Variants in M1AP observed in about 807,000 individuals in gnomAD.
M1AP encodes the protein meiosis 1 arrest protein.
M1AP carries 39 observed loss-of-function variants against 51.2 expected under a neutral mutation model. The observed-to-expected ratio is 0.76, with a 90% CI of 0.59 to 1.00. The LOEUF (loss-of-function observed/expected upper bound fraction) is 1.00. Among genes scored for constraint, M1AP ranks in the 50% least tolerant of loss-of-function variants. M1AP has a pLI of 0.00. For synonymous variants in M1AP, 251 were observed against 249.2 expected (o/e 1.01, Z -0.07); for missense variants, 545 against 641.2 (o/e 0.85, Z 1.62).
intron 4 of M1AP, among the ~76,000 whole-genome samples, chr2:74,588,117 G>T (rs1384481790): frequency 6.6e-6 from 1 of 152,116 alleles, no homozygotes; most frequent in Non-Finnish European, 1.5e-5. Flanking sequence ...CGTCTCACAG[G>T]GCCCTAACCT....
At chr2:74,615,404 A>C in intron 2 of M1AP, 1 of 437,464 alleles carries the variant, frequency 2.3e-6, no homozygotes. Flanking sequence ...GAAGTGTTTT[A>C]ACTCATTCAC....
intron 10 of M1AP, among the ~76,000 whole-genome samples, 169 bp from the exon 11 acceptor site, chr2:74,559,043 G>A (rs1380592434): frequency 1.3e-5 from 2 of 152,212 alleles, no homozygotes; most frequent in African/African-American, 2.4e-5. Flanking sequence ...CCTCCACAGT[G>A]CCTGTCTCCT....
intron 7 of M1AP, among the ~76,000 whole-genome samples, chr2:74,571,460 A>G (rs1216652605): frequency 6.6e-6 from 1 of 152,232 alleles, no homozygotes; most frequent in African/African-American, 2.4e-5. Context: ...TTAAAAGAAC[A>G]TATGAAAAAG....
At chr2:74,606,066 A>G (rs1393925009) in intron 4 of M1AP, among the ~76,000 whole-genome samples, 1 of 152,156 alleles carries the variant, frequency 6.6e-6, no homozygotes, top group Non-Finnish European at 1.5e-5. Context: ...GGGGGAACAG[A>G]GGCCAGCAGA....
chr2:74,567,221 A>C, intron 7 of M1AP, among the ~76,000 whole-genome samples: 1 of 152,234 alleles, frequency 6.6e-6, no homozygotes, highest in East Asian at 1.9e-4. Context: ...AAAATAAATA[A>C]TTAAGGGGAC....
At chr2:74,627,314 G>T (rs983637316) in intron 2 of M1AP, among the ~76,000 whole-genome samples, 7 of 151,898 alleles carry the variant, frequency 4.6e-5, no homozygotes, top group African/African-American at 1.7e-4. Context: ...TTAACTTGTT[G>T]CTCTTAGACA....
chr2:74,585,492 G>C (rs2104606901), intron 4 of M1AP, among the ~76,000 whole-genome samples: 1 of 152,352 alleles, frequency 6.6e-6, no homozygotes, highest in African/African-American at 2.4e-5. Flanking sequence ...AAAATGTCAT[G>C]TGGTTAGGTC....
At chr2:74,591,921 G>C (rs1006314481) in intron 4 of M1AP, among the ~76,000 whole-genome samples, 3 of 151,960 alleles carry the variant, frequency 2.0e-5, no homozygotes, top group African/African-American at 7.3e-5. Context: ...GAGTAGCTGG[G>C]ATTACAGGCG....
chr2:74,588,405 C>A (rs946740729), intron 4 of M1AP, among the ~76,000 whole-genome samples: 1 of 152,176 alleles, frequency 6.6e-6, no homozygotes, highest in Admixed American at 6.5e-5. Context: ...TAGCTGTCTA[C>A]TCTCTGAATA....
At chr2:74,561,319 G>C (rs573259062) in intron 8 of M1AP, among the ~76,000 whole-genome samples, 1 of 151,972 alleles carries the variant, frequency 6.6e-6, no homozygotes, top group African/African-American at 2.4e-5. Context: ...CTCTGCATCT[G>C]CATCTATCAC....
At chr2:74,593,284 A>G (rs951604100) in intron 4 of M1AP, among the ~76,000 whole-genome samples, 12 of 152,232 alleles carry the variant, frequency 7.9e-5, no homozygotes, top group Non-Finnish European at 2.9e-5. Flanking sequence ...ATTGAAAAAG[A>G]GTAAATAAGG....
intron 2 of M1AP, chr2:74,628,687 G>A (rs1460680103): frequency 1.4e-6 from 1 of 689,866 alleles, no homozygotes; most frequent in Non-Finnish European, 2.5e-6. Flanking sequence ...CCAACCATTA[G>A]TCTACCTGTG....
intron 2 of M1AP, among the ~76,000 whole-genome samples, chr2:74,618,546 T>G (rs879924642): frequency 2.0e-5 from 3 of 152,210 alleles, no homozygotes; most frequent in Non-Finnish European, 4.4e-5. Flanking sequence ...TCCTCGATCC[T>G]CAGGCCTCCC....
chr2:74,624,467 G>C (rs1025777052), intron 2 of M1AP, among the ~76,000 whole-genome samples: 4 of 152,098 alleles, frequency 2.6e-5, no homozygotes, highest in Non-Finnish European at 5.9e-5. Flanking sequence ...TAGGCAGTTA[G>C]GATAACTTAG....
Position 74,559,164 on chromosome 2 carries a change from ATT to A in M1AP, c.1435-292_1435-291del, listed in dbSNP as rs35645412. 6.1e-5 allele frequency among the ~76,000 whole-genome samples: 9 copies of A among 146,862 alleles called. No individual in the cohort carries two copies. In the East Asian group the frequency reaches 7.9e-4, roughly 13 times the overall value. ...TGTAATTTTAGCTAAGACAAAATGAATTTTTTTTTTTTTTGACAGGATCTTGC... is the reference window on the plus strand; with the variant it reads ...TGTAATTTTAGCTAAGACAAAATGAATTTTTTTTTTTTGACAGGATCTTGC... On this transcript the variant is annotated intron_variant, in intron 10 of 10. Transcript: ENST00000421985.
intron 2 of M1AP, chr2:74,615,468 C>T: frequency 3.4e-6 from 1 of 293,542 alleles, no homozygotes; most frequent in Non-Finnish European, 6.6e-6. Flanking sequence ...TTGGGGTGAC[C>T]TGCAAACTGG....
chr2:74,617,259 C>G (rs1175857520), intron 2 of M1AP, among the ~76,000 whole-genome samples: 4 of 152,154 alleles, frequency 2.6e-5, no homozygotes, highest in African/African-American at 9.7e-5. Flanking sequence ...GGAATCTAAG[C>G]CTTACTTCTC....
At chr2:74,579,781 T>TC (rs950114405) in intron 5 of M1AP, among the ~76,000 whole-genome samples, 2 of 152,040 alleles carry the variant, frequency 1.3e-5, no homozygotes, top group African/African-American at 4.8e-5. Context: ...ATGTCTTCTT[T>TC]CTTTTTTTTA....
At chr2:74,582,551 AAC>A (rs1679469209) in intron 4 of M1AP, among the ~76,000 whole-genome samples, 1 of 152,236 alleles carries the variant, frequency 6.6e-6, no homozygotes, top group Non-Finnish European at 1.5e-5. Context: ...ATAAAAATAA[AAC>A]TATCTACATA....
Sources: gnomAD v4.1 joint callset for allele counts (sites outside exome capture counted in the v4.1 genomes callset) on GRCh38, gnomAD v4.1.1 for gene constraint, MANE v1.5 for transcripts, NCBI Gene and HGNC (gene_info 2026-07-23, HGNC 2026-07-21) for gene names.